BPI: variants seen among roughly 807,000 people sequenced by gnomAD.
BPI encodes the protein bactericidal permeability-increasing protein.
Under a neutral mutation model 57.6 loss-of-function variants are expected in BPI, and 48 were observed. That is an observed-to-expected ratio of 0.83 (90% CI 0.66 to 1.06). The LOEUF (loss-of-function observed/expected upper bound fraction) is 1.06. Among genes scored for constraint, BPI ranks in the 50% least tolerant of loss-of-function variants. BPI has a pLI of 0.00. For missense variants in BPI, 651 were observed against 609.7 expected (o/e 1.07, Z -0.71); for synonymous variants, 237 against 238.2 (o/e 0.99, Z 0.05).
chr20:38,325,471 T>C (rs2076707859), intron 9 of BPI, among the ~76,000 whole-genome samples: 1 of 152,190 alleles, frequency 6.6e-6, no homozygotes, highest in Admixed American at 6.5e-5. Context: ...CAGGGCCTTT[T>C]CTCAATGCAT....
chr20:38,313,383 C>CA (rs60202764), intron 5 of BPI, among the ~76,000 whole-genome samples: 5 of 84,562 alleles, frequency 5.9e-5, no homozygotes, highest in African/African-American at 1.9e-4. Context: ...AACCCTGTCT[C>CA]AAAAAAAAAA....
At chr20:38,335,761 C>A in intron 14 of BPI, 87 bp downstream of exon 14, 2 of 1,383,062 alleles carry the variant, frequency 1.4e-6, no homozygotes, top group Non-Finnish European at 2.0e-6. Flanking sequence ...GCATGCCAAG[C>A]CCTGTGTGAA....
chr20:38,325,842 C>T (rs2076709951), intron 9 of BPI, among the ~76,000 whole-genome samples: 1 of 151,960 alleles, frequency 6.6e-6, no homozygotes, highest in East Asian at 1.9e-4. Flanking sequence ...AGATCAGAGA[C>T]TAAGAGAAAG....
Position 38,324,763 on chromosome 20 carries a change from T to C in BPI, c.934-11T>C. On this transcript the variant is annotated splice_polypyrimidine_tract_variant and intron_variant, in intron 8 of 14. Coordinates refer to ENST00000642449, the MANE Select transcript of BPI (RefSeq NM_001725.3). ...CATCCTCCGAGATCCTTTTCTCATC[T>C]CTTGCTACAGATTCCAAAGGAGTCC... The C allele has an allele frequency of 6.2e-7, 1 of 1,607,224 alleles. No individual in the cohort carries two copies. Among genetic ancestry groups the C allele is most frequent in the Non-Finnish European group, 8.5e-7 (1 of 1,173,724 alleles).
Position 38,304,202 on chromosome 20 carries a change from G to T in BPI, c.-22G>T, listed in dbSNP as rs561419706. The T allele has an allele frequency of 1.4e-4, 227 of 1,614,116 alleles. 1 individual carries two copies. The East Asian group carries it at 4.6e-3, about 32-fold the overall frequency. ...ACCTCAAGGCCTTGAGGTTTTGGCA[G>T]CTCTGGAGGATGAGAGAGAACATGG... On this transcript the variant is annotated 5_prime_UTR_variant, in exon 1 of 15. Transcript: ENST00000642449.
At position 38,326,391 on chromosome 20, in the gene BPI, C is replaced by T. The variant is rs757426317; in HGVS notation, c.1120C>T (p.Leu374Phe). The change falls in exon 10 of 15, where the codon CTC becomes TTC. Residue 374 changes from leucine (L) to phenylalanine (F), a missense_variant. By Grantham distance (22) the Leu-to-Phe change is conservative (BLOSUM62 0). Coordinates refer to ENST00000642449, the MANE Select transcript of BPI (RefSeq NM_001725.3). ...PAVDVQAFAV[L>F]PNSSLASLFL... ...CGTGGATGTCCAGGCCTTTGCCGTC[C>T]TCCCCAACTCCTCCCTGGCTTCCCT... 3.1e-6 allele frequency: 5 copies of T among 1,614,116 alleles called. No individual in the cohort carries two copies. In the South Asian group the frequency reaches 4.4e-5, roughly 14 times the overall value.
chr20:38,336,382 CTTTT>C (rs1199322159), intron 14 of BPI, among the ~76,000 whole-genome samples: 3 of 152,102 alleles, frequency 2.0e-5, no homozygotes, highest in Admixed American at 2.0e-4. Flanking sequence ...TGCTTCCAGT[CTTTT>C]TATTTTTTCC....
chr20:38,314,277 G>T (rs569814834), intron 5 of BPI, among the ~76,000 whole-genome samples: 67 of 144,880 alleles, frequency 4.6e-4, no homozygotes, highest in Non-Finnish European at 7.1e-4. Context: ...ATTGATGATG[G>T]TGATGGTGGG....
At chr20:38,307,507 C>A in intron 1 of BPI, 60 bp from the exon 2 acceptor site, 5 of 1,266,266 alleles carry the variant, frequency 3.9e-6, no homozygotes, top group African/African-American at 1.5e-5. Flanking sequence ...GCCTGCCCTG[C>A]CCCTCTGTCC....
At chr20:38,324,415 A>G (rs1303978418) in intron 8 of BPI, among the ~76,000 whole-genome samples, 1 of 152,236 alleles carries the variant, frequency 6.6e-6, no homozygotes, top group Non-Finnish European at 1.5e-5. Context: ...GGCTACATTG[A>G]TGAGTACTTG....
At chr20:38,312,407 C>T (rs374787046) in intron 5 of BPI, among the ~76,000 whole-genome samples, 17 of 152,348 alleles carry the variant, frequency 1.1e-4, no homozygotes, top group African/African-American at 3.6e-4. Flanking sequence ...GTACAAGAGA[C>T]GGGTATCAGC....
At chr20:38,318,567 C>T in intron 6 of BPI, 91 bp downstream of exon 6, 1 of 1,392,934 alleles carries the variant, frequency 7.2e-7, no homozygotes, top group Non-Finnish European at 1.0e-6. Flanking sequence ...CGGCAAGTTT[C>T]CCAGACAGCC....
chr20:38,324,565 C>A (rs147635878), intron 8 of BPI, among the ~76,000 whole-genome samples: 1 of 152,236 alleles, frequency 6.6e-6, no homozygotes, highest in African/African-American at 2.4e-5. Flanking sequence ...CTGACCAGCT[C>A]CTGACCATTC....
At position 38,323,917 on chromosome 20, in the gene BPI, A is replaced by T; in HGVS notation, c.804A>T (p.Pro268=). ...ENHHNPPPFA[P]PVMEFPAAHD... is the part of the protein sequence containing the mutation. ...ACCACAATCCACCTCCCTTTGCTCC[A>T]CCAGTGATGGAGTTTCCCGCTGCCC... is the stretch of plus-strand genomic sequence containing the variant. Residue 268 remains proline, a synonymous_variant, in exon 8 of 15, where the codon CCA becomes CCT. Coordinates refer to ENST00000642449, the MANE Select transcript of BPI (RefSeq NM_001725.3). 6.2e-7 allele frequency: 1 copy of T among 1,614,118 alleles called. No individual in the cohort carries two copies. Among genetic ancestry groups the T allele is most frequent in the Non-Finnish European group, 8.5e-7 (1 of 1,180,002 alleles).
chr20:38,311,543 A>G (rs2076621943), intron 4 of BPI, among the ~76,000 whole-genome samples: 2 of 152,176 alleles, frequency 1.3e-5, no homozygotes, highest in East Asian at 1.9e-4. Flanking sequence ...AGCAGAGGGA[A>G]GAGCATGTGC....
intron 11 of BPI, among the ~76,000 whole-genome samples, chr20:38,329,032 A>C (rs961904622): frequency 6.6e-6 from 1 of 151,964 alleles, no homozygotes; most frequent in Non-Finnish European, 1.5e-5. Context: ...TAAATAAATA[A>C]ACAAATAGAT....
At chr20:38,324,727 G>T in intron 8 of BPI, 47 bp from the exon 9 acceptor site, 1 of 1,502,316 alleles carries the variant, frequency 6.7e-7, no homozygotes, top group Non-Finnish European at 9.3e-7. Flanking sequence ...CCTCTGCTCC[G>T]TCTGTAACAG....
rs1211577871 is a variant in BPI, at chr20:38,324,809, G to A, written c.969G>A (p.Lys323=). Residue 323 remains lysine (K), a synonymous_variant, in exon 9 of 15, where the codon AAG becomes AAA. Coordinates refer to ENST00000642449, the MANE Select transcript of BPI (RefSeq NM_001725.3). The stretch of plus-strand genomic sequence containing the variant: ...AGTCCAAATTTCGACTGACAACCAA[G>A]TTCTTTGGAACCTTCCTACCTGAGG... The part of the protein sequence containing the change: ...PKESKFRLTT[K]FFGTFLPEVA... The A allele has an allele frequency of 6.2e-7, 1 of 1,613,400 alleles. No individual in the cohort carries two copies. The highest frequency in any genetic ancestry group is 8.5e-7 in the Non-Finnish European group (1 of 1,179,380).
chr20:38,306,853 G>A (rs1355620164), intron 1 of BPI, among the ~76,000 whole-genome samples: 1 of 152,008 alleles, frequency 6.6e-6, no homozygotes, highest in African/African-American at 2.4e-5. Flanking sequence ...TGGCTTATAA[G>A]ACAAAAATGG....
Sources: gnomAD v4.1 joint callset for allele counts (sites outside exome capture counted in the v4.1 genomes callset) on GRCh38, gnomAD v4.1.1 for gene constraint, MANE v1.5 for transcripts, NCBI Gene and HGNC (gene_info 2026-07-23, HGNC 2026-07-21) for gene names.